Variants in U2SURP observed in about 807,000 individuals in gnomAD.
U2SURP encodes the protein U2 snRNP-associated SURP motif-containing protein.
In U2SURP, 9 loss-of-function variants were observed where a neutral mutation model predicts 144.9. The observed-to-expected ratio is 0.06, with a 90% confidence interval of 0.04 to 0.11. The LOEUF is 0.11. Ranked by LOEUF, U2SURP falls within the 10% of genes least tolerant of loss-of-function variation. U2SURP has a pLI of 1.00. For missense variants in U2SURP, 724 were observed against 1,226.7 expected, an observed-to-expected ratio of 0.59 and a Z score of 6.12; for synonymous variants, 408 against 396.8, an observed-to-expected ratio of 1.03 and a Z score of -0.33.
At position 143,022,653 on chromosome 3, in the gene U2SURP, A is replaced by G; in HGVS notation, c.1009A>G (p.Asn337Asp). 1 of 1,609,726 alleles carries G rather than the reference A, an allele frequency of 6.2e-7. No individual in the cohort carries two copies. Among genetic ancestry groups the G allele is most frequent in the Non-Finnish European group, 8.5e-7 (1 of 1,178,704 alleles). ...NRRDAERALK[N>D]LNGKMIMSFE... ...AAGAGATGCTGAAAGAGCTTTAAAA[A>G]ATTTGAATGGTAAGAACATTTTTAT... The change falls in exon 11 of 28, where the codon AAT becomes GAT. Residue 337 changes from asparagine to aspartate, a missense_variant. Physicochemically the swap from Asn to Asp is conservative, Grantham distance 23. Transcript: ENST00000473835.
intron 24 of U2SURP, among the ~76,000 whole-genome samples, chr3:143,046,951 A>AC (rs71154000): frequency 0.56 from 50,324 of 89,434 alleles, 14,832 homozygotes; most frequent in East Asian, 0.64. Flanking sequence ...CAGGGGGCTG[A>AC]CCTCCCCCAC....
At position 143,047,001 on chromosome 3, in the gene U2SURP, A is replaced by AC. The variant is rs1480997619; in HGVS notation, c.2544+3732dup. 7.7e-5 allele frequency among the ~76,000 whole-genome samples: 8 copies of AC among 103,986 alleles called. No individual in the cohort carries two copies. The South Asian group carries it at 1.6e-3, about 21-fold the overall frequency. The allele number at this position is 103,986 out of a possible 152,430, so 68.2% of individuals were successfully genotyped here. A position where few individuals can be genotyped will look rare whatever the true frequency, so the allele number is the denominator to read the frequency against. ...GGGCGGCTGGCCGGGCGGGGGGCTG[A>AC]CCCCCCCACCTCCCTCCTGGATGGG... On this transcript the variant is annotated intron_variant, in intron 24 of 27. Coordinates refer to ENST00000473835, the MANE Select transcript of U2SURP (RefSeq NM_001080415.2).
In U2SURP at chr3:143,021,454, T is replaced by A. The variant is rs368955990; in HGVS notation, c.770-19T>A. The A allele has an allele frequency of 6.2e-7, 1 of 1,613,198 alleles. No individual in the cohort carries two copies. The highest frequency in any genetic ancestry group is 1.1e-5 in the South Asian group (1 of 90,946). On this transcript the variant is annotated intron_variant, in intron 9 of 27. Coordinates refer to ENST00000473835, the MANE Select transcript of U2SURP (RefSeq NM_001080415.2). ...TTTATGTTTTGCAGGTTATAATTCT[T>A]TTTTTCTTTCTGCCCTAGTTCTTGA...
In U2SURP at chr3:143,056,584, G is replaced by A; in HGVS notation, c.*134G>A. 6 of 992,628 alleles carry A rather than the reference G, an allele frequency of 6.0e-6. No homozygotes were observed. Among genetic ancestry groups the A allele is most frequent in the Non-Finnish European group, 8.7e-6 (6 of 688,330 alleles). 61.5% of individuals were successfully genotyped at this position (992,628 alleles called of 1,614,324 possible). A position where few individuals can be genotyped will look rare whatever the true frequency, so the allele number is the denominator to read the frequency against. ...TTTTTGTTTGTTTGTGTATGCATGT[G>A]TAAACTCATGAGCAACTGCATCTGT... is the stretch of plus-strand genomic sequence containing the variant. On this transcript the variant is annotated 3_prime_UTR_variant, in exon 28 of 28. Transcript: ENST00000473835.
Position 143,034,985 on chromosome 3 carries a change from T to C in U2SURP, c.1941+10T>C. On this transcript the variant is annotated intron_variant, in intron 19 of 27. Coordinates refer to ENST00000473835, the MANE Select transcript of U2SURP (RefSeq NM_001080415.2). ...ATCTGAAAACTTTAAGGTACGTTTA[T>C]TGTTTTACTATTTTTGCCCTAGTGT... 1 of 1,420,056 alleles carries C rather than the reference T, an allele frequency of 7.0e-7. No homozygotes were observed. The allele number at this position is 1,420,056 out of a possible 1,614,324, so 88.0% of individuals were successfully genotyped here.
Position 143,022,974 on chromosome 3 carries a change from A to G in U2SURP, c.1140A>G (p.Gly380=). 6.2e-7 allele frequency: 1 copy of G among 1,612,088 alleles called. No homozygotes were observed. The highest frequency in any genetic ancestry group is 8.5e-7 in the Non-Finnish European group (1 of 1,179,024). ...MEHTLPPPPS[G]LPFNAQPRER... Reference sequence around the variant, plus strand: ...ATACGCTTCCCCCACCTCCATCCGGACTGCCTTTTAATGCGCAGCCTAGAG... The same window carrying G: ...ATACGCTTCCCCCACCTCCATCCGGGCTGCCTTTTAATGCGCAGCCTAGAG... Residue 380 remains glycine (G), a synonymous_variant, in exon 12 of 28, where the codon GGA becomes GGG. Coordinates refer to ENST00000473835, the MANE Select transcript of U2SURP (RefSeq NM_001080415.2).
At chr3:143,027,072 A>G in intron 13 of U2SURP, 77 bp from the exon 14 acceptor site, 1 of 1,113,266 alleles carries the variant, frequency 9.0e-7, no homozygotes, top group Non-Finnish European at 1.3e-6. Flanking sequence ...CTGCACAATT[A>G]TAGTAACTTA....
intron 16 of U2SURP, 112 bp downstream of exon 16, chr3:143,028,758 A>G (rs554428941): frequency 1.2e-6 from 1 of 835,340 alleles, no homozygotes; most frequent in African/African-American, 1.8e-5. Context: ...TCACTTGTGA[A>G]TGTTTAAAAT....
chr3:143,030,334 T>G (rs909474500), intron 16 of U2SURP, among the ~76,000 whole-genome samples: 2 of 152,222 alleles, frequency 1.3e-5, no homozygotes, highest in Non-Finnish European at 2.9e-5. Flanking sequence ...ATTCCAAAAA[T>G]TTTAGGACCA....
chr3:143,057,611 C>T lies in U2SURP; in HGVS notation c.*1161C>T, dbSNP rs1416915368. On this transcript the variant is annotated 3_prime_UTR_variant, in exon 28 of 28. Transcript: ENST00000473835. ...AACTTGTGTAATGTTGGTCATAATA[C>T]TGCTATAAATATAATAAAGGGTTAT... is the stretch of plus-strand genomic sequence containing the variant. 5.9e-5 allele frequency: 9 copies of T among 151,892 alleles called. No individual in the cohort carries two copies. Among genetic ancestry groups the T allele is most frequent in the Non-Finnish European group, 1.2e-4 (8 of 67,820 alleles). 9.4% of individuals were successfully genotyped at this position (151,892 alleles called of 1,614,324 possible).
At chr3:143,049,208 G>C (rs1439370744) in intron 24 of U2SURP, among the ~76,000 whole-genome samples, 1 of 148,944 alleles carries the variant, frequency 6.7e-6, no homozygotes, top group Admixed American at 6.7e-5. Flanking sequence ...GGAGGTTGCA[G>C]CGAGCCGAGA....
chr3:143,055,206 A>ATTTTT, intron 27 of U2SURP, 87 bp downstream of exon 27: 1 of 994,138 alleles, frequency 1.0e-6, no homozygotes, highest in South Asian at 1.8e-5. Flanking sequence ...GTTGGCATAC[A>ATTTTT]TTTTTTTTTT....
intron 20 of U2SURP, among the ~76,000 whole-genome samples, chr3:143,036,654 T>G (rs936642975): frequency 3.3e-5 from 5 of 152,200 alleles, no homozygotes; most frequent in African/African-American, 1.2e-4. Flanking sequence ...GTTTCTTAAA[T>G]GTGTGTTTCC....
chr3:143,001,704 G>A lies in U2SURP; in HGVS notation c.45+31G>A, dbSNP rs201100859. ...TTCTGACAAAATTTCGTAAGTCAGC[G>A]GATCTACCACTGTCGTTTGGGGCCC... On this transcript the variant is annotated intron_variant, in intron 1 of 27. Transcript: ENST00000473835. The A allele has an allele frequency of 7.8e-5, 126 of 1,612,898 alleles. 1 individual carries two copies. The highest frequency in any genetic ancestry group is 1.0e-4 in the Non-Finnish European group (121 of 1,179,498).
At chr3:143,047,062 C>A (rs1422183834) in intron 24 of U2SURP, among the ~76,000 whole-genome samples, 1 of 128,272 alleles carries the variant, frequency 7.8e-6, no homozygotes, top group Non-Finnish European at 1.6e-5. Flanking sequence ...CCCCCCACCT[C>A]CCTCCCTGAC....
At chr3:143,028,297 T>C in intron 14 of U2SURP, 43 bp from the exon 15 acceptor site, 5 of 1,550,718 alleles carry the variant, frequency 3.2e-6, no homozygotes, top group Non-Finnish European at 4.4e-6. Context: ...AGATAGCTCT[T>C]TGTTAAAGAA....
chr3:143,038,939 CAGAAGA>C lies in U2SURP; in HGVS notation c.2371_2376del (p.Glu791_Glu792del), dbSNP rs774350003. ...GAATTATTTGACCAGCATGAAGAAT[CAGAAGA>C]AGAAGAAAATCAAAAGTAAGAATCT... On this transcript the variant is annotated inframe_deletion, in exon 23 of 28. Coordinates refer to ENST00000473835, the MANE Select transcript of U2SURP (RefSeq NM_001080415.2). 6.5e-7 allele frequency: 1 copy of C among 1,540,720 alleles called. No homozygotes were observed. The highest frequency in any genetic ancestry group is 1.4e-5 in the African/African-American group (1 of 71,770).
intron 16 of U2SURP, among the ~76,000 whole-genome samples, chr3:143,030,096 T>A (rs1309543473): frequency 6.6e-6 from 1 of 152,246 alleles, no homozygotes; most frequent in East Asian, 1.9e-4. Context: ...GTAGATGCTG[T>A]AGCAAATTAT....
chr3:143,024,480 TAAG>T, intron 13 of U2SURP: 1 of 442,518 alleles, frequency 2.3e-6, no homozygotes. Flanking sequence ...CAATTGATTT[TAAG>T]AAGAAATTCC....
Sources: allele counts gnomAD v4.1 joint callset (sites outside exome capture counted in the v4.1 genomes callset), GRCh38; gene constraint gnomAD v4.1.1; transcripts MANE v1.5; gene names NCBI Gene and HGNC (gene_info 2026-07-23, HGNC 2026-07-21).